USP32: variants seen among roughly 807,000 people sequenced by gnomAD.
USP32 encodes the protein ubiquitin carboxyl-terminal hydrolase 32.
USP32 carries 59 observed loss-of-function variants against 204.8 expected under a neutral mutation model. The observed-to-expected ratio is 0.29, with a 90% CI of 0.23 to 0.36. USP32 has a LOEUF of 0.36. USP32 is among the 10% of genes least tolerant of loss of function. The pLI is 1.00. For synonymous variants in USP32, 517 were observed against 678.4 expected, an observed-to-expected ratio of 0.76 and a Z score of 3.70; for missense variants, 1,160 against 1,946.4, an observed-to-expected ratio of 0.60 and a Z score of 7.60.
At chr17:60,225,966 A>AAAG (rs2085375384) in intron 13 of USP32, 73 bp downstream of exon 13, 3 of 1,436,490 alleles carry the variant, frequency 2.1e-6, no homozygotes, top group African/African-American at 3.2e-5. Flanking sequence ...AAAAAAAAAA[A>AAAG]AAAAGAAAAG....
At chr17:60,412,322 T>C (rs62082083) in intron 1 of USP32, among the ~76,000 whole-genome samples, 2 of 151,816 alleles carry the variant, frequency 1.3e-5, no homozygotes, top group African/African-American at 4.8e-5. Flanking sequence ...CTGGGCAACA[T>C]GGTGAAATCC....
At chr17:60,261,612 C>CT (rs1288852949) in intron 9 of USP32, among the ~76,000 whole-genome samples, 9 of 152,016 alleles carry the variant, frequency 5.9e-5, no homozygotes, top group Admixed American at 3.3e-4. Flanking sequence ...TTCCACTGCA[C>CT]TCCAGCCTGG....
intron 12 of USP32, among the ~76,000 whole-genome samples, chr17:60,232,546 AT>A (rs11344960): frequency 0.2 from 19,680 of 100,686 alleles, 1,954 homozygotes; most frequent in African/African-American, 0.33. Context: ...GAGAAATTTG[AT>A]TTTTTTTTTT....
intron 2 of USP32, among the ~76,000 whole-genome samples, chr17:60,337,824 T>C (rs1243234904): frequency 6.6e-6 from 1 of 151,868 alleles, no homozygotes; most frequent in Non-Finnish European, 1.5e-5. Flanking sequence ...GAGGCTACAA[T>C]GAGCCATGAT....
At chr17:60,295,610 C>T (rs901723203) in intron 3 of USP32, among the ~76,000 whole-genome samples, 1 of 152,202 alleles carries the variant, frequency 6.6e-6, no homozygotes, top group Non-Finnish European at 1.5e-5. Flanking sequence ...AGTGTATCCA[C>T]ATGCTACTCG....
chr17:60,421,052 C>A (rs2090107622), intron 1 of USP32, among the ~76,000 whole-genome samples: 1 of 152,146 alleles, frequency 6.6e-6, no homozygotes, highest in Non-Finnish European at 1.5e-5. Flanking sequence ...ACAGAGCATG[C>A]ACATTTAAAC....
At chr17:60,384,394 G>C (rs143446568) in intron 1 of USP32, among the ~76,000 whole-genome samples, 1 of 152,150 alleles carries the variant, frequency 6.6e-6, no homozygotes, top group African/African-American at 2.4e-5. Flanking sequence ...CTTTAGCATA[G>C]TTTTGCTTTT....
At chr17:60,239,451 T>C (rs1158817171) in intron 11 of USP32, among the ~76,000 whole-genome samples, 1 of 152,224 alleles carries the variant, frequency 6.6e-6, no homozygotes, top group African/African-American at 2.4e-5. Flanking sequence ...ATTCTTATGT[T>C]GACACATATG....
chr17:60,349,148 A>G (rs2088859549), intron 1 of USP32, among the ~76,000 whole-genome samples: 1 of 150,552 alleles, frequency 6.6e-6, no homozygotes, highest in African/African-American at 2.4e-5. Context: ...ATAGTATTAG[A>G]ATATATTACA....
intron 2 of USP32, among the ~76,000 whole-genome samples, chr17:60,302,809 AT>A (rs1181175828): frequency 1.3e-5 from 2 of 152,192 alleles, no homozygotes; most frequent in East Asian, 1.9e-4. Context: ...TCAAAAAAAT[AT>A]TTTTTAACAC....
At position 60,280,837 on chromosome 17, in the gene USP32, G is replaced by A. The variant is rs1050218833; in HGVS notation, c.571+7686C>T. Among the ~76,000 whole-genome samples, 5 of 152,204 alleles carry A rather than the reference G, an allele frequency of 3.3e-5. 1 individual carries two copies. The East Asian group carries it at 9.6e-4, about 29-fold the overall frequency. ...AATTGTTTAGCCAGAATCAGACTGA[G>A]AATTTATAGGTAATATAAATCATAG... On this transcript the variant is annotated intron_variant, in intron 5 of 33. Transcript: ENST00000300896.
rs992614337 is a variant in USP32, at chr17:60,351,685, C to T, written c.59-6077G>A. Among the ~76,000 whole-genome samples, 8 of 152,302 alleles carry T rather than the reference C, an allele frequency of 5.3e-5. No homozygotes were observed. The East Asian group carries it at 1.2e-3, about 22-fold the overall frequency. ...TCAGGTGATCCACCTCCCTCGGCCT[C>T]GCAAAGTGCTGGGATTACAGGCGTG... is the stretch of plus-strand genomic sequence containing the variant. On this transcript the variant is annotated intron_variant, in intron 1 of 33. Transcript: ENST00000300896.
At chr17:60,225,720 G>A (rs953371308) in intron 13 of USP32, among the ~76,000 whole-genome samples, 9 of 152,030 alleles carry the variant, frequency 5.9e-5, no homozygotes, top group African/African-American at 1.2e-4. Flanking sequence ...TTGGGAGGCC[G>A]AGGCAGGCAG....
chr17:60,246,704 A>G (rs7216914), intron 11 of USP32, among the ~76,000 whole-genome samples: 1 of 152,054 alleles, frequency 6.6e-6, no homozygotes, highest in East Asian at 1.9e-4. Flanking sequence ...CATCAGAATC[A>G]GTTATTCTTT....
At chr17:60,280,286 G>A (rs1489523043) in intron 5 of USP32, among the ~76,000 whole-genome samples, 1 of 151,914 alleles carries the variant, frequency 6.6e-6, no homozygotes, top group Non-Finnish European at 1.5e-5. Context: ...TAGTAGAGAC[G>A]GGGTTTCACC....
At chr17:60,380,097 T>C (rs1011100926) in intron 1 of USP32, among the ~76,000 whole-genome samples, 1 of 152,192 alleles carries the variant, frequency 6.6e-6, no homozygotes, top group African/African-American at 2.4e-5. Flanking sequence ...GAAGGTAAGA[T>C]TTAGGCAAAG....
At chr17:60,222,681 T>TC in intron 14 of USP32, 132 bp from the exon 15 acceptor site, 1 of 710,968 alleles carries the variant, frequency 1.4e-6, no homozygotes, top group East Asian at 3.4e-5. Context: ...AACTTAATTT[T>TC]TTTTTTTTTT....
At position 60,178,038 on chromosome 17, in the gene USP32, A is replaced by G. The variant is rs1185176276; in HGVS notation, c.*1217T>C. On this transcript the variant is annotated 3_prime_UTR_variant, in exon 34 of 34. Coordinates refer to ENST00000300896, the MANE Select transcript of USP32 (RefSeq NM_032582.4). ...TCTTGATTAGAGAAAAAAATGAAGTAAGCAAAGAAACATAACTTTCGATGA... is the reference window on the plus strand; with the variant it reads ...TCTTGATTAGAGAAAAAAATGAAGTGAGCAAAGAAACATAACTTTCGATGA... 1.3e-5 allele frequency among the ~76,000 whole-genome samples: 2 copies of G among 152,132 alleles called. No homozygotes were observed. Among genetic ancestry groups the G allele is most frequent in the South Asian group, 2.1e-4 (1 of 4,834 alleles).
chr17:60,398,081 C>T (rs932679267), intron 1 of USP32, among the ~76,000 whole-genome samples: 2 of 152,148 alleles, frequency 1.3e-5, no homozygotes, highest in African/African-American at 2.4e-5. Context: ...ATTGTTTTGG[C>T]AGGCCAGGCA....
Sources: gnomAD v4.1 joint callset for allele counts (sites outside exome capture counted in the v4.1 genomes callset) on GRCh38, gnomAD v4.1.1 for gene constraint, MANE v1.5 for transcripts, NCBI Gene and HGNC (gene_info 2026-07-23, HGNC 2026-07-21) for gene names.